The following CIAO3 variants were observed in gnomAD, a reference collection of about 807,000 sequenced individuals.
CIAO3 encodes LET1 like/JFP15.
A neutral mutation model predicts 51.5 loss-of-function variants in CIAO3; 45 were observed. The ratio of observed to expected loss-of-function variants is 0.87; its 90% CI spans 0.69 to 1.12. The LOEUF is 1.12. CIAO3 is among the 50% of genes most tolerant of loss of function. The pLI is 0.00. For synonymous variants in CIAO3, 314 were observed against 269.3 expected, an observed-to-expected ratio of 1.17 and a Z score of -1.63; for missense variants, 668 against 632.5, an observed-to-expected ratio of 1.06 and a Z score of -0.60.
chr16:737,482 A>T lies in CIAO3; in HGVS notation c.163-153T>A, dbSNP rs2041351479. On this transcript the variant is annotated intron_variant, in intron 2 of 10. Coordinates refer to ENST00000251588, the MANE Select transcript of CIAO3 (RefSeq NM_022493.3). This position sits in a 1 kb window ranked among gnomAD's most constrained non-coding sequence, Gnocchi z 5.3. ...TTTTTAAAAATTAGGTATGTATTAC[A>T]AAAATGCACACGCACGCTCTACAGT... The T allele has an allele frequency of 6.6e-7, 1 of 1,521,590 alleles. No individual in the cohort carries two copies. The highest frequency in any genetic ancestry group is 2.0e-5 in the Admixed American group (1 of 49,122). 94.3% of individuals were successfully genotyped at this position (1,521,590 alleles called of 1,614,324 possible).
In CIAO3 at chr16:740,183, C is replaced by T. The variant is rs867744319; in HGVS notation, c.67-445G>A. 15 of 1,154,404 alleles carry T rather than the reference C, an allele frequency of 1.3e-5. No individual in the cohort carries two copies. The African/African-American group carries it at 2.4e-4, about 18-fold the overall frequency. 71.5% of individuals were successfully genotyped at this position (1,154,404 alleles called of 1,614,324 possible). On this transcript the variant is annotated intron_variant, in intron 1 of 10. Transcript: ENST00000251588. Reference sequence around the variant, plus strand: ...CTTCTCCTTGAGAACCCTGGCAGCCCAGAAAGCCGCCTCCCAGCTCATCCC... The same window carrying T: ...CTTCTCCTTGAGAACCCTGGCAGCCTAGAAAGCCGCCTCCCAGCTCATCCC...
In CIAO3 at chr16:730,330, T is replaced by G; in HGVS notation, c.*87A>C. ...AGCACACCCTGCAGCTCACTCAGAA[T>G]TTTGGGGGAAGCCCTGGGGTCTTGG... On this transcript the variant is annotated 3_prime_UTR_variant, in exon 11 of 11. Coordinates refer to ENST00000251588, the MANE Select transcript of CIAO3 (RefSeq NM_022493.3). 7.3e-7 allele frequency: 1 copy of G among 1,360,586 alleles called. No individual in the cohort carries two copies. The highest frequency in any genetic ancestry group is 1.0e-6 in the Non-Finnish European group (1 of 979,362). 84.3% of individuals were successfully genotyped at this position (1,360,586 alleles called of 1,614,324 possible).
At position 734,734 on chromosome 16, in the gene CIAO3, C is replaced by T; in HGVS notation, c.574+3G>A. On this transcript the variant is annotated splice_donor_region_variant and intron_variant, in intron 5 of 10. Coordinates refer to ENST00000251588, the MANE Select transcript of CIAO3 (RefSeq NM_022493.3). ...TCTCCCACCACCCGCACCATGAGCA[C>T]ACCTGGGCAGGCAGAGGCCAGCAGG... The T allele has an allele frequency of 6.2e-7, 1 of 1,612,796 alleles. No individual in the cohort carries two copies. The highest frequency in any genetic ancestry group is 8.5e-7 in the Non-Finnish European group (1 of 1,179,840).
In CIAO3 at chr16:731,539, C is replaced by T. The variant is rs1437116217; in HGVS notation, c.1034+26G>A. On this transcript the variant is annotated intron_variant, in intron 9 of 10. Coordinates refer to ENST00000251588, the MANE Select transcript of CIAO3 (RefSeq NM_022493.3). Reference sequence around the variant, plus strand: ...GCTGGGGGCTGTGTGGCCGCTCTGCCCAGAGATCTGGCCCATCCCACTGAC... The same window carrying T: ...GCTGGGGGCTGTGTGGCCGCTCTGCTCAGAGATCTGGCCCATCCCACTGAC... 5 of 1,541,752 alleles carry T rather than the reference C, an allele frequency of 3.2e-6. No individual in the cohort carries two copies. The African/African-American group carries it at 4.1e-5, about 13-fold the overall frequency.
chr16:733,132 C>A (rs974454065), intron 7 of CIAO3, 166 bp downstream of exon 7: 13 of 843,652 alleles, frequency 1.5e-5, no homozygotes, highest in African/African-American at 1.4e-4. Context: ...GCAAATGGGC[C>A]CACCTGGCTC....
chr16:737,857 G>C lies in CIAO3; in HGVS notation c.163-528C>G, dbSNP rs1285063687. 24 of 1,182,512 alleles carry C rather than the reference G, an allele frequency of 2.0e-5. No homozygotes were observed. Among genetic ancestry groups the C allele is most frequent in the Admixed American group, 3.8e-5 (1 of 26,536 alleles). 73.3% of individuals were successfully genotyped at this position (1,182,512 alleles called of 1,614,324 possible). ...GATGCAGGAACAAGGTGTTCCAGTC[G>C]GGGGCCTCCGGGACATGCCTCAGCA... On this transcript the variant is annotated intron_variant, in intron 2 of 10. Coordinates refer to ENST00000251588, the MANE Select transcript of CIAO3 (RefSeq NM_022493.3). The surrounding 1 kb of genome is among the most constrained non-coding windows in gnomAD (Gnocchi z 5.3).
rs781362484 is a variant in CIAO3 at position 736,268 on chromosome 16, A to AT, written c.436dup (p.Ile146AsnfsTer91). On this transcript the variant is annotated frameshift_variant, in exon 4 of 11. Transcript: ENST00000251588. LOFTEE classifies it high-confidence loss of function. ...GTTACCCCAGGTTCAAAGCCTACCT[A>AT]TTTTTTTAAAGAATGAGGTTAATTT... is the stretch of plus-strand genomic sequence containing the variant. 29 of 1,612,546 alleles carry AT rather than the reference A, an allele frequency of 1.8e-5. No individual in the cohort carries two copies. The East Asian group carries it at 4.0e-4, about 22-fold the overall frequency.
At chr16:738,502 C>G (rs1260193217) in intron 2 of CIAO3, 2 of 203,402 alleles carry the variant, frequency 9.8e-6, no homozygotes, top group South Asian at 3.4e-4. Flanking sequence ...CGCCGGCCAC[C>G]ACGCCCAGCT....
chr16:739,440 GT>G, intron 2 of CIAO3: 2 of 608,140 alleles, frequency 3.3e-6, no homozygotes, highest in East Asian at 5.6e-5. Context: ...AGATCAAGCT[GT>G]TTGGCCTGGG....
rs757775383 is a variant in CIAO3 at position 730,612 on chromosome 16, G to A, written c.1236C>T (p.Pro412=). 12 of 1,610,344 alleles carry A rather than the reference G, an allele frequency of 7.5e-6. No individual in the cohort carries two copies. The highest frequency in any genetic ancestry group is 1.0e-5 in the Non-Finnish European group (12 of 1,179,914). Residue 412 remains proline (P), a synonymous_variant, in exon 11 of 11, where the codon CCC becomes CCT. Coordinates refer to ENST00000251588, the MANE Select transcript of CIAO3 (RefSeq NM_022493.3). ...CCACGTGCTGGAGGAGCTCTCTGCT[G>A]GGCCTGTCTGGGGCCTGGAGCTGGC... ...GGGQLQAPDR[P]SRELLQHVER...
chr16:736,472 G>A (rs2041339625), intron 3 of CIAO3, 74 bp from the exon 4 acceptor site: 4 of 1,586,840 alleles, frequency 2.5e-6, no homozygotes, highest in Admixed American at 1.7e-5. Context: ...GCCGCACGGT[G>A]AGATGCTGTC....
intron 2 of CIAO3, chr16:739,264 A>G: frequency 4.4e-6 from 1 of 224,994 alleles, no homozygotes; most frequent in South Asian, 4.9e-5. Flanking sequence ...ATGCCACTGC[A>G]CTCCAGCCTG....
At chr16:734,482 G>A (rs1235811641) in intron 5 of CIAO3, 135 bp from the exon 6 acceptor site, 4 of 839,466 alleles carry the variant, frequency 4.8e-6, no homozygotes, top group Non-Finnish European at 7.7e-6. Context: ...GCTCATTCCT[G>A]TTCTCCCCAC....
At chr16:732,700 G>C in intron 7 of CIAO3, 1 of 385,382 alleles carries the variant, frequency 2.6e-6, no homozygotes, top group Non-Finnish European at 5.0e-6. Context: ...GCAATGGTAC[G>C]ATCTCGGCTC....
At position 737,795 on chromosome 16, in the gene CIAO3, T is replaced by C; in HGVS notation, c.163-466A>G. 8.3e-7 allele frequency: 1 copy of C among 1,203,480 alleles called. No homozygotes were observed. The highest frequency in any genetic ancestry group is 1.6e-5 in the African/African-American group (1 of 63,032). 74.6% of individuals were successfully genotyped at this position (1,203,480 alleles called of 1,614,324 possible). A position where few individuals can be genotyped will look rare whatever the true frequency, so the allele number is the denominator to read the frequency against. ...GGAAGCCTGGGAGCCTGGCCTCCGG[T>C]GGGCGGGGCAGAAACAACCGTCAGA... is the stretch of plus-strand genomic sequence containing the variant. On this transcript the variant is annotated intron_variant, in intron 2 of 10. Coordinates refer to ENST00000251588, the MANE Select transcript of CIAO3 (RefSeq NM_022493.3). The surrounding 1 kb of genome is among the most constrained non-coding windows in gnomAD (Gnocchi z 5.3).
Position 740,977 on chromosome 16 carries a change from C to G in CIAO3, c.9G>C (p.Ser3=). The G allele has an allele frequency of 1.3e-6, 2 of 1,510,826 alleles. No individual in the cohort carries two copies. Among genetic ancestry groups the G allele is most frequent in the Non-Finnish European group, 1.8e-6 (2 of 1,132,896 alleles). The allele number at this position is 1,510,826 out of a possible 1,614,324, so 93.6% of individuals were successfully genotyped here. MA[S]PFSGALQLTD... The stretch of plus-strand genomic sequence containing the variant: ...TCAGCTGCAGCGCCCCGCTGAAGGG[C>G]GACGCCATGACGGCCGCACTGCCGC... The change falls in exon 1 of 11, where the codon TCG becomes TCC. Residue 3 remains serine (S), a synonymous_variant. Coordinates refer to ENST00000251588, the MANE Select transcript of CIAO3 (RefSeq NM_022493.3).
At position 730,504 on chromosome 16, in the gene CIAO3, G is replaced by A. The variant is rs1214751272; in HGVS notation, c.1344C>T (p.Gly448=). 1 of 1,610,228 alleles carries A rather than the reference G, an allele frequency of 6.2e-7. No individual in the cohort carries two copies. Among genetic ancestry groups the A allele is most frequent in the Non-Finnish European group, 8.5e-7 (1 of 1,179,996 alleles). Residue 448 remains glycine (G), a synonymous_variant, in exon 11 of 11, where the codon GGC becomes GGT. Transcript: ENST00000251588. The stretch of plus-strand genomic sequence containing the variant: ...AGCGACCTGCACACTCCGAGTCCGT[G>A]CCCTGCAGCCAGTGTGTGTACAGCT... ...VQELYTHWLQ[G]TDSECAGRLL...
chr16:732,449 G>T, intron 7 of CIAO3, 76 bp from the exon 8 acceptor site: 1 of 1,519,184 alleles, frequency 6.6e-7, no homozygotes. Context: ...CAAGCCACCT[G>T]CATCCCCAGC....
At chr16:733,459 A>G (rs752959705) in intron 6 of CIAO3, 32 bp from the exon 7 acceptor site, 23 of 1,612,376 alleles carry the variant, frequency 1.4e-5, no homozygotes, top group Middle Eastern at 1.6e-4. Flanking sequence ...TGTCTCCCCA[A>G]TCCCAGCAGT....
Sources: allele counts gnomAD v4.1 joint callset, GRCh38; gene constraint gnomAD v4.1.1; non-coding constraint Gnocchi (gnomAD v3.1); transcripts MANE v1.5; gene names NCBI Gene and HGNC (gene_info 2026-07-23, HGNC 2026-07-21).